DYNC1I1: variants seen among roughly 807,000 people sequenced by gnomAD.
The protein encoded by DYNC1I1 is dynein cytoplasmic 1 intermediate chain 1.
A neutral mutation model predicts 86.6 loss-of-function variants in DYNC1I1; 43 were observed. The ratio of observed to expected loss-of-function variants is 0.50; its 90% CI spans 0.39 to 0.64. The LOEUF is 0.64. DYNC1I1 is among the 30% of genes least tolerant of loss of function. The pLI is 0.00. For synonymous variants in DYNC1I1, 262 were observed against 283.7 expected, an observed-to-expected ratio of 0.92 and a Z score of 0.77; for missense variants, 604 against 788.8, an observed-to-expected ratio of 0.77 and a Z score of 2.81.
At chr7:96,000,384 C>T (rs1019432429) in intron 10 of DYNC1I1, among the ~76,000 whole-genome samples, 3 of 152,170 alleles carry the variant, frequency 2.0e-5, no homozygotes, top group African/African-American at 7.2e-5. Flanking sequence ...TTATCATACA[C>T]ATTTTGAAGA....
chr7:95,791,786 A>G (rs1188728011), intron 1 of DYNC1I1, among the ~76,000 whole-genome samples: 1 of 152,210 alleles, frequency 6.6e-6, no homozygotes, highest in Non-Finnish European at 1.5e-5. Context: ...ATATCAATAG[A>G]TATATAATGG....
intron 16 of DYNC1I1, among the ~76,000 whole-genome samples, chr7:96,088,397 G>C (rs1420449784): frequency 6.6e-6 from 1 of 152,110 alleles, no homozygotes; most frequent in East Asian, 1.9e-4. Flanking sequence ...TCTGAAAGAA[G>C]AACCAGTTTG....
chr7:96,036,381 G>A (rs1259774450), intron 13 of DYNC1I1, among the ~76,000 whole-genome samples: 1 of 152,172 alleles, frequency 6.6e-6, no homozygotes, highest in Non-Finnish European at 1.5e-5. Context: ...TATTCTAGTT[G>A]AGGGTAAAAT....
chr7:96,051,092 T>A (rs971720481), intron 14 of DYNC1I1, among the ~76,000 whole-genome samples: 12 of 152,018 alleles, frequency 7.9e-5, no homozygotes, highest in Admixed American at 5.2e-4. Context: ...TTTTGGATAA[T>A]TTTTTTTCCT....
intron 14 of DYNC1I1, among the ~76,000 whole-genome samples, chr7:96,073,477 A>G (rs534599565): frequency 3.9e-5 from 6 of 152,356 alleles, no homozygotes; most frequent in African/African-American, 1.2e-4. Flanking sequence ...ATAATTAAAG[A>G]ATTAATGTAT....
intron 6 of DYNC1I1, among the ~76,000 whole-genome samples, chr7:95,894,327 CTCCTGA>C (rs1308648171): frequency 6.6e-6 from 1 of 152,012 alleles, no homozygotes; most frequent in Non-Finnish European, 1.5e-5. Context: ...TCTTCTCTGT[CTCCTGA>C]TATGATAGAA....
chr7:95,961,253 G>A (rs562260666), intron 6 of DYNC1I1, among the ~76,000 whole-genome samples: 1 of 152,230 alleles, frequency 6.6e-6, no homozygotes, highest in Non-Finnish European at 1.5e-5. Context: ...GAGTCAGCAG[G>A]TCTGATTTCT....
At chr7:95,941,309 A>G (rs1183735334) in intron 6 of DYNC1I1, among the ~76,000 whole-genome samples, 1 of 151,864 alleles carries the variant, frequency 6.6e-6, no homozygotes, top group African/African-American at 2.4e-5. Context: ...GCGTGCTGGG[A>G]GAACCACTGC....
intron 1 of DYNC1I1, among the ~76,000 whole-genome samples, chr7:95,799,017 C>G (rs1271457290): frequency 6.6e-6 from 1 of 152,112 alleles, no homozygotes; most frequent in African/African-American, 2.4e-5. Context: ...AGTTTTATTT[C>G]CTCCCTCCTC....
At chr7:95,873,818 C>T (rs760230515) in intron 6 of DYNC1I1, among the ~76,000 whole-genome samples, 6 of 152,220 alleles carry the variant, frequency 3.9e-5, no homozygotes, top group Admixed American at 6.5e-5. Context: ...CCCAGGCCTC[C>T]GTATTCTTAC....
intron 6 of DYNC1I1, among the ~76,000 whole-genome samples, chr7:95,870,543 T>C (rs1318241182): frequency 6.6e-6 from 1 of 152,204 alleles, no homozygotes; most frequent in Non-Finnish European, 1.5e-5. Context: ...ACCTGGCCCT[T>C]TACAGAAAAC....
chr7:96,032,374 G>A (rs1794834460), intron 11 of DYNC1I1, among the ~76,000 whole-genome samples: 1 of 152,086 alleles, frequency 6.6e-6, no homozygotes, highest in African/African-American at 2.4e-5. Flanking sequence ...TCACCTCCCT[G>A]CATTGCCTCT....
intron 6 of DYNC1I1, among the ~76,000 whole-genome samples, chr7:95,941,600 C>G (rs2116447053): frequency 6.6e-6 from 1 of 152,318 alleles, no homozygotes; most frequent in African/African-American, 2.4e-5. Flanking sequence ...ATAGGACCCT[C>G]CGAGCCAGGT....
intron 1 of DYNC1I1, among the ~76,000 whole-genome samples, chr7:95,774,557 G>A (rs1793793151): frequency 6.6e-6 from 1 of 152,172 alleles, no homozygotes; most frequent in Non-Finnish European, 1.5e-5. Context: ...TTAAAGTAGT[G>A]GTCCATGGTC....
intron 10 of DYNC1I1, among the ~76,000 whole-genome samples, chr7:96,013,623 T>A (rs968680261): frequency 7.2e-5 from 11 of 152,118 alleles, no homozygotes; most frequent in East Asian, 1.9e-4. Context: ...CACGCCTGGC[T>A]AATTTTTGTA....
chr7:96,034,390 G>T (rs919234150), intron 12 of DYNC1I1, among the ~76,000 whole-genome samples: 1 of 152,042 alleles, frequency 6.6e-6, no homozygotes, highest in African/African-American at 2.4e-5. Flanking sequence ...ATTTATTTAG[G>T]TTAAAACCAG....
intron 5 of DYNC1I1, among the ~76,000 whole-genome samples, chr7:95,868,976 A>G (rs959122674): frequency 6.6e-6 from 1 of 152,100 alleles, no homozygotes; most frequent in Non-Finnish European, 1.5e-5. Flanking sequence ...TTTTGCAGTA[A>G]CTCAAGAACT....
chr7:96,033,985 G>C (rs1407901053), intron 12 of DYNC1I1, among the ~76,000 whole-genome samples: 1 of 151,968 alleles, frequency 6.6e-6, no homozygotes, highest in African/African-American at 2.4e-5. Context: ...ACTCCAGTCT[G>C]GGTGACGGAG....
intron 6 of DYNC1I1, among the ~76,000 whole-genome samples, chr7:95,905,689 A>G (rs1584146315): frequency 6.8e-6 from 1 of 146,702 alleles, no homozygotes; most frequent in Non-Finnish European, 1.5e-5. Flanking sequence ...CTAACGCCCC[A>G]TTGTGTCTGG....
Sources: allele counts gnomAD v4.1 joint callset (sites outside exome capture counted in the v4.1 genomes callset), GRCh38; gene constraint gnomAD v4.1.1; transcripts MANE v1.5; gene names NCBI Gene and HGNC (gene_info 2026-07-23, HGNC 2026-07-21).